BAZ1A: variants seen among roughly 807,000 people sequenced by gnomAD.
BAZ1A encodes bromodomain adjacent to zinc finger domain 1A, also known as bromodomain adjacent to zinc finger domain protein 1A.
In BAZ1A, 50 loss-of-function variants were observed where a neutral mutation model predicts 185.2. That is an observed-to-expected ratio of 0.27 (90% CI 0.22 to 0.34). The LOEUF (loss-of-function observed/expected upper bound fraction) is 0.34. Ranked by LOEUF, BAZ1A falls within the 10% of genes least tolerant of loss-of-function variation. The pLI is 1.00. For missense variants in BAZ1A, 1,356 were observed against 1,839.9 expected (o/e 0.74, Z 4.81); for synonymous variants, 571 against 615.6 (o/e 0.93, Z 1.07).
chr14:34,783,544 C>T (rs141691250), intron 15 of BAZ1A, among the ~76,000 whole-genome samples: 355 of 152,110 alleles, frequency 2.3e-3, no homozygotes, highest in Non-Finnish European at 3.9e-3. Context: ...CCATGTTGGC[C>T]AGGCTAGTCT....
intron 25 of BAZ1A, among the ~76,000 whole-genome samples, chr14:34,755,899 C>T (rs748250446): frequency 6.0e-5 from 9 of 151,202 alleles, no homozygotes; most frequent in Non-Finnish European, 1.0e-4. Context: ...CGGCTCATTG[C>T]AACCTCCACC....
intron 4 of BAZ1A, among the ~76,000 whole-genome samples, chr14:34,819,987 CATT>C (rs60718973): frequency 0.27 from 41,692 of 151,818 alleles, 6,000 homozygotes; most frequent in Admixed American, 0.37. Context: ...AGTCATATCT[CATT>C]GTTGTTTTAA....
intron 23 of BAZ1A, among the ~76,000 whole-genome samples, chr14:34,763,094 A>C (rs1012180747): frequency 1.5e-4 from 23 of 152,156 alleles, no homozygotes; most frequent in African/African-American, 5.1e-4. Flanking sequence ...AACTATATTT[A>C]ATCTTTTAAC....
intron 25 of BAZ1A, among the ~76,000 whole-genome samples, chr14:34,757,882 G>A (rs903813653): frequency 2.0e-5 from 3 of 150,472 alleles, no homozygotes; most frequent in Non-Finnish European, 3.0e-5. Flanking sequence ...AAGTAGCGGG[G>A]ACTACAGGCG....
chr14:34,811,211 C>T (rs1047092602), intron 4 of BAZ1A, among the ~76,000 whole-genome samples, 175 bp from the exon 5 acceptor site: 1 of 152,118 alleles, frequency 6.6e-6, no homozygotes, highest in South Asian at 2.1e-4. Flanking sequence ...ATGGTGCAGT[C>T]TCAGCTCACT....
intron 9 of BAZ1A, among the ~76,000 whole-genome samples, chr14:34,796,770 T>C (rs535411694): frequency 6.6e-6 from 1 of 152,338 alleles, no homozygotes; most frequent in African/African-American, 2.4e-5. Context: ...GATGTGCACT[T>C]ATCAAATTTT....
rs1034166383 is a variant in BAZ1A, at chr14:34,802,942, T to C, written c.773A>G (p.Tyr258Cys). The C allele has an allele frequency of 1.9e-6, 3 of 1,612,708 alleles. No homozygotes were observed. The Admixed American group carries it at 5.0e-5, about 27-fold the overall frequency. The change falls in exon 7 of 27, where the codon TAT becomes TGT. Residue 258 changes from tyrosine (Y) to cysteine (C), a missense_variant. Physicochemically the swap from Tyr to Cys is radical, Grantham distance 194. Coordinates refer to ENST00000360310, the MANE Select transcript of BAZ1A (RefSeq NM_013448.3). ...TYKIAEQDFS[Y>C]FFPDDPPTFI... is the part of the protein sequence containing the mutation. ...TGTGGGTGGATCATCAGGGAAGAAATAAGAAAAATCTTGTTCTGCTATTTT... is the reference window on the plus strand; with the variant it reads ...TGTGGGTGGATCATCAGGGAAGAAACAAGAAAAATCTTGTTCTGCTATTTT...
At chr14:34,825,914 G>T in intron 4 of BAZ1A, 99 bp downstream of exon 4, 1 of 1,222,926 alleles carries the variant, frequency 8.2e-7, no homozygotes, top group Non-Finnish European at 1.1e-6. Flanking sequence ...CTCCAGCCTG[G>T]GCAAAAGAGT....
At position 34,753,418 on chromosome 14, in the gene BAZ1A, C is replaced by A. The variant is rs1040432242; in HGVS notation, c.*90G>T. 4.8e-6 allele frequency: 5 copies of A among 1,051,312 alleles called. No homozygotes were observed. Among genetic ancestry groups the A allele is most frequent in the South Asian group, 1.4e-5 (1 of 69,344 alleles). The allele number at this position is 1,051,312 out of a possible 1,614,324, so 65.1% of individuals were successfully genotyped here. ...CAGGCCACACTTTCATGTGGTCAAT[C>A]AATTGTTATTGCTTTATACAGCATG... On this transcript the variant is annotated 3_prime_UTR_variant, in exon 27 of 27. Transcript: ENST00000360310.
chr14:34,824,859 G>C (rs1201063639), intron 4 of BAZ1A, among the ~76,000 whole-genome samples: 1 of 152,150 alleles, frequency 6.6e-6, no homozygotes, highest in Admixed American at 6.6e-5. Context: ...AGACAGGCGG[G>C]AGAAAGCATT....
At chr14:34,821,064 T>C (rs1195588989) in intron 4 of BAZ1A, among the ~76,000 whole-genome samples, 1 of 152,222 alleles carries the variant, frequency 6.6e-6, no homozygotes. Context: ...ATATAAACTT[T>C]ATAATCAGTT....
Position 34,811,047 on chromosome 14 carries a change from G to A in BAZ1A, c.537-11C>T, listed in dbSNP as rs550652349. 1 of 1,512,880 alleles carries A rather than the reference G, an allele frequency of 6.6e-7. No individual in the cohort carries two copies. Among genetic ancestry groups the A allele is most frequent in the South Asian group, 1.2e-5 (1 of 84,980 alleles). 93.7% of individuals were successfully genotyped at this position (1,512,880 alleles called of 1,614,324 possible). Reference sequence around the variant, plus strand: ...GCATCTTTTTTCTTCCTAAAAAGAAGAGGGAAAAGACACAAATCAGTTAAT... The same window carrying A: ...GCATCTTTTTTCTTCCTAAAAAGAAAAGGGAAAAGACACAAATCAGTTAAT... On this transcript the variant is annotated splice_polypyrimidine_tract_variant and intron_variant, in intron 4 of 26. Transcript: ENST00000360310.
intron 15 of BAZ1A, 60 bp from the exon 16 acceptor site, chr14:34,783,292 C>A: frequency 1.0e-6 from 1 of 998,246 alleles, no homozygotes. Context: ...TCACTTTTAG[C>A]ATCTTGTCTT....
At chr14:34,781,374 A>T (rs751977478) in intron 16 of BAZ1A, among the ~76,000 whole-genome samples, 2 of 152,160 alleles carry the variant, frequency 1.3e-5, no homozygotes, top group African/African-American at 2.4e-5. Context: ...CCTTCATCAT[A>T]CCAAAAGGAA....
chr14:34,841,384 A>C (rs2042412077), intron 3 of BAZ1A, among the ~76,000 whole-genome samples: 1 of 152,042 alleles, frequency 6.6e-6, no homozygotes, highest in African/African-American at 2.4e-5. Flanking sequence ...TAGCCAAATA[A>C]GACTTACCTG....
intron 18 of BAZ1A, among the ~76,000 whole-genome samples, chr14:34,775,654 A>T (rs117264282): frequency 0.013 from 2,042 of 152,360 alleles, 19 homozygotes; most frequent in Non-Finnish European, 0.022. Flanking sequence ...TGACCAAGGA[A>T]TAAGGAGATC....
chr14:34,854,130 A>C (rs1234589879), intron 3 of BAZ1A, among the ~76,000 whole-genome samples: 1 of 152,232 alleles, frequency 6.6e-6, no homozygotes, highest in Non-Finnish European at 1.5e-5. Flanking sequence ...CTCAGGATCT[A>C]AAGTTAAAAT....
chr14:34,838,869 CA>C (rs1174182369), intron 3 of BAZ1A, among the ~76,000 whole-genome samples: 1 of 151,632 alleles, frequency 6.6e-6, no homozygotes, highest in Non-Finnish European at 1.5e-5. Context: ...ACAGTAGTCG[CA>C]AAAAAGGTTT....
At chr14:34,778,333 A>AC (rs1879794609) in intron 17 of BAZ1A, among the ~76,000 whole-genome samples, 1 of 152,170 alleles carries the variant, frequency 6.6e-6, no homozygotes, top group Non-Finnish European at 1.5e-5. Context: ...AAGAGCTTGG[A>AC]CCCCTGATAA....
Sources: allele counts gnomAD v4.1 joint callset (sites outside exome capture counted in the v4.1 genomes callset), GRCh38; gene constraint gnomAD v4.1.1; transcripts MANE v1.5; gene names NCBI Gene and HGNC (gene_info 2026-07-23, HGNC 2026-07-21).